The following SPEN variants were observed in gnomAD, a reference collection of about 807,000 sequenced individuals.
SPEN encodes spen family transcriptional repressor, also known as msx2-interacting protein.
A neutral mutation model predicts 269.9 loss-of-function variants in SPEN; 18 were observed. The observed-to-expected ratio is 0.07, with a 90% CI of 0.05 to 0.10. The LOEUF is 0.10. SPEN is among the 10% of genes least tolerant of loss of function. SPEN has a pLI of 1.00. For synonymous variants in SPEN, 1,726 were observed against 1,765.7 expected, an observed-to-expected ratio of 0.98 and a Z score of 0.56; for missense variants, 3,822 against 4,631.2, an observed-to-expected ratio of 0.83 and a Z score of 5.07.
rs748929130 is a variant in SPEN, at chr1:15,928,440, C to A, written c.2200C>A (p.Pro734Thr). 1 of 1,614,114 alleles carries A rather than the reference C, an allele frequency of 6.2e-7. No individual in the cohort carries two copies. Among genetic ancestry groups the A allele is most frequent in the South Asian group, 1.1e-5 (1 of 91,066 alleles). The change falls in exon 11 of 15, where the codon CCA becomes ACA. Residue 734 changes from proline to threonine, a missense_variant. Pro to Thr is a conservative substitution (Grantham distance 38). Transcript: ENST00000375759. This position sits in a 1 kb window ranked among gnomAD's most constrained non-coding sequence, Gnocchi z 5.7. The part of the protein sequence containing the change: ...RSQSPVHLRR[P>T]QSPGASPSQA... ...TCAAAGTCCTGTTCACTTGCGACGT[C>A]CACAGAGTCCTGGAGCGTCTCCCTC...
At chr1:15,898,596 G>C (rs1319333038) in intron 3 of SPEN, among the ~76,000 whole-genome samples, 2 of 120,460 alleles carry the variant, frequency 1.7e-5, no homozygotes, top group East Asian at 4.6e-4. Flanking sequence ...GTCTCACTCT[G>C]TTGCCCAGGC....
chr1:15,867,228 A>G (rs2070523642), intron 1 of SPEN, among the ~76,000 whole-genome samples: 1 of 152,162 alleles, frequency 6.6e-6, no homozygotes, highest in South Asian at 2.1e-4. Context: ...TTTGTGTATT[A>G]TGGAATCATA....
At position 15,929,826 on chromosome 1, in the gene SPEN, A is replaced by G. The variant is rs753522592; in HGVS notation, c.3586A>G (p.Lys1196Glu). ...CAAGTCTGAGAAGTTTGGCAGTCCT[A>G]AAAAAGATGTAGATGAATATGAAAG... ...IAKSEKFGSP[K>E]KDVDEYERRS... The change falls in exon 11 of 15, where the codon AAA becomes GAA. Residue 1196 changes from lysine to glutamate, a missense_variant. By Grantham distance (56) the Lys-to-Glu change is moderately conservative. Around this residue, in one of 16 missense-constraint regions of SPEN, gnomAD observed 46 missense variants for 94.0 expected, o/e 0.49. Coordinates refer to ENST00000375759, the MANE Select transcript of SPEN (RefSeq NM_015001.3). This position sits in a 1 kb window ranked among gnomAD's most constrained non-coding sequence, Gnocchi z 5.8. 6.2e-7 allele frequency: 1 copy of G among 1,614,158 alleles called. No individual in the cohort carries two copies. The highest frequency in any genetic ancestry group is 8.5e-7 in the Non-Finnish European group (1 of 1,180,038).
chr1:15,892,863 C>G (rs2070803043), intron 3 of SPEN, among the ~76,000 whole-genome samples: 1 of 152,144 alleles, frequency 6.6e-6, no homozygotes, highest in Non-Finnish European at 1.5e-5. Flanking sequence ...CTTTAGGAGG[C>G]TGAGGCAGGC....
intron 3 of SPEN, among the ~76,000 whole-genome samples, chr1:15,897,981 A>G (rs1031405751): frequency 2.6e-5 from 4 of 152,126 alleles, no homozygotes; most frequent in African/African-American, 9.7e-5. Context: ...GTTAGGTCTG[A>G]CTCATTGCCC....
chr1:15,894,114 C>T (rs965151243), intron 3 of SPEN, among the ~76,000 whole-genome samples: 2 of 152,196 alleles, frequency 1.3e-5, no homozygotes, highest in Non-Finnish European at 2.9e-5. Flanking sequence ...CACACACACA[C>T]TCACTTGATC....
At chr1:15,904,465 A>AAAAAAAAAAAAAG (rs2070935569) in intron 3 of SPEN, among the ~76,000 whole-genome samples, 1 of 149,608 alleles carries the variant, frequency 6.7e-6, no homozygotes, top group Non-Finnish European at 1.5e-5. Flanking sequence ...AAAAAAAAAA[A>AAAAAAAAAAAAAG]AAAAAAAAAA....
At position 15,932,150 on chromosome 1, in the gene SPEN, A is replaced by C. The variant is rs1259969118; in HGVS notation, c.5910A>C (p.Glu1970Asp). 5.6e-6 allele frequency: 9 copies of C among 1,612,922 alleles called. No individual in the cohort carries two copies. The highest frequency in any genetic ancestry group is 7.6e-6 in the Non-Finnish European group (9 of 1,179,478). ...AAGAGGAGGAGAACGAGGCCAAGGA[A>C]CCTGCAGAAACACTCAAGCCACCTG... ...ADEEEENEAK[E>D]PAETLKPPEG... The change falls in exon 11 of 15, where the codon GAA (glutamate) becomes GAC (aspartate). Residue 1970 changes from glutamate (E) to aspartate (D), a missense_variant. Physicochemically the swap from Glu to Asp is conservative, Grantham distance 45. Around this residue, in one of 16 missense-constraint regions of SPEN, gnomAD observed 533 missense variants for 618.8 expected, o/e 0.86. Coordinates refer to ENST00000375759, the MANE Select transcript of SPEN (RefSeq NM_015001.3). The surrounding 1 kb of genome is among the most constrained non-coding windows in gnomAD (Gnocchi z 4.2).
intron 3 of SPEN, among the ~76,000 whole-genome samples, chr1:15,893,272 CATCA>C (rs1260558034): frequency 6.6e-6 from 1 of 152,120 alleles, no homozygotes; most frequent in African/African-American, 2.4e-5. Flanking sequence ...TGCTTCTAGG[CATCA>C]TTTGTATAAC....
chr1:15,936,393 C>T (rs2071275507), intron 11 of SPEN, 127 bp downstream of exon 11: 2 of 1,339,346 alleles, frequency 1.5e-6, no homozygotes, highest in Non-Finnish European at 1.9e-6. Context: ...GTAATCCCAG[C>T]ACTGTGGGAG....
chr1:15,898,606 C>G (rs552320045), intron 3 of SPEN, among the ~76,000 whole-genome samples: 1 of 144,482 alleles, frequency 6.9e-6, no homozygotes, highest in Admixed American at 7.3e-5. Context: ...GTTGCCCAGG[C>G]TAGAGTGCAG....
Position 15,928,550 on chromosome 1 carries a change from C to A in SPEN, c.2310C>A (p.Ser770=). 4.3e-6 allele frequency: 7 copies of A among 1,614,116 alleles called. No homozygotes were observed. The highest frequency in any genetic ancestry group is 5.9e-6 in the Non-Finnish European group (7 of 1,180,014). The part of the protein sequence containing the change: ...SDRSGSCSSL[S]PPRYEKLDKS... ...GGAGTGGAAGCTGTAGCTCACTCTC[C>A]CCTCCAAGATATGAGAAACTGGACA... The change falls in exon 11 of 15, where the codon TCC becomes TCA. Residue 770 remains serine (S), a synonymous_variant. Transcript: ENST00000375759. The surrounding 1 kb of genome is among the most constrained non-coding windows in gnomAD (Gnocchi z 5.7).
In SPEN at chr1:15,912,113, A is replaced by G. The variant is rs1256138870; in HGVS notation, c.1243+812A>G. Among the ~76,000 whole-genome samples the G allele has an allele frequency of 2.0e-5, 3 of 152,200 alleles. No individual in the cohort carries two copies. In the East Asian group the frequency reaches 5.8e-4, roughly 29 times the overall value. On this transcript the variant is annotated intron_variant, in intron 5 of 14. Coordinates refer to ENST00000375759, the MANE Select transcript of SPEN (RefSeq NM_015001.3). Reference sequence around the variant, plus strand: ...AGACAGAGTAACAGGAATAAGCCTTATGGGTGCAACCCACTGAGAATTTCC... The same window carrying G: ...AGACAGAGTAACAGGAATAAGCCTTGTGGGTGCAACCCACTGAGAATTTCC...
Position 15,872,823 on chromosome 1 carries a change from C to T in SPEN, c.91C>T (p.Arg31Cys). 4 of 1,486,408 alleles carry T rather than the reference C, an allele frequency of 2.7e-6. No homozygotes were observed. The highest frequency in any genetic ancestry group is 3.6e-6 in the Non-Finnish European group (4 of 1,112,022). 92.1% of individuals were successfully genotyped at this position (1,486,408 alleles called of 1,614,324 possible). The change falls in exon 2 of 15, where the codon CGC becomes TGC. Residue 31 changes from arginine (R) to cysteine (C), a missense_variant. By Grantham distance (180) the Arg-to-Cys change is radical (BLOSUM62 -3). Transcript: ENST00000375759. Reference sequence around the variant, plus strand: ...TGACTTTATTTTTTCCAGATATGGCCGCGTGGAAAGTGTCAAAATTCTTCC... The same window carrying T: ...TGACTTTATTTTTTCCAGATATGGCTGCGTGGAAAGTGTCAAAATTCTTCC... Reference protein sequence around the residue: ...KIIEHFKRYGRVESVKILPKR... With the variant: ...KIIEHFKRYGCVESVKILPKR...
At chr1:15,862,285 T>C (rs2070456207) in intron 1 of SPEN, among the ~76,000 whole-genome samples, 1 of 152,244 alleles carries the variant, frequency 6.6e-6, no homozygotes, top group Non-Finnish European at 1.5e-5. Context: ...TTAGCAGTTC[T>C]ATTTACAATT....
intron 2 of SPEN, chr1:15,874,410 A>C (rs1262959364): frequency 5.2e-6 from 7 of 1,350,586 alleles, no homozygotes; most frequent in Non-Finnish European, 6.9e-6. Context: ...GTATGTCCTG[A>C]CCTGTGTATA....
At chr1:15,853,711 T>C (rs1412199828) in intron 1 of SPEN, among the ~76,000 whole-genome samples, 1 of 150,524 alleles carries the variant, frequency 6.6e-6, no homozygotes, top group African/African-American at 2.4e-5. Context: ...TCACCCAGGC[T>C]GGGCTGGAGT....
In SPEN at chr1:15,928,436, A is replaced by T. The variant is rs555715522; in HGVS notation, c.2196A>T (p.Arg732=). 1 of 1,614,124 alleles carries T rather than the reference A, an allele frequency of 6.2e-7. No individual in the cohort carries two copies. ...GAAGTCAAAGTCCTGTTCACTTGCG[A>T]CGTCCACAGAGTCCTGGAGCGTCTC... ...IERSQSPVHL[R]RPQSPGASPS... The change falls in exon 11 of 15, where the codon CGA becomes CGT. Residue 732 remains arginine (R), a synonymous_variant. Coordinates refer to ENST00000375759, the MANE Select transcript of SPEN (RefSeq NM_015001.3). This position sits in a 1 kb window ranked among gnomAD's most constrained non-coding sequence, Gnocchi z 5.7.
chr1:15,871,416 C>T (rs1302810934), intron 1 of SPEN, among the ~76,000 whole-genome samples: 3 of 152,156 alleles, frequency 2.0e-5, no homozygotes, highest in African/African-American at 7.2e-5. Context: ...TCTTGGCACA[C>T]TGCAATCTCC....
Sources: gnomAD v4.1 joint callset for allele counts (sites outside exome capture counted in the v4.1 genomes callset) on GRCh38, gnomAD v4.1.1 for gene constraint, gnomAD v4.1.1 regional missense constraint, Gnocchi (gnomAD v3.1) non-coding constraint, MANE v1.5 for transcripts, NCBI Gene and HGNC (gene_info 2026-07-23, HGNC 2026-07-21) for gene names.